Variants in GRIA4 observed in about 807,000 individuals in gnomAD.
The protein encoded by GRIA4 is glutamate ionotropic receptor AMPA type subunit 4.
GRIA4 carries 34 observed loss-of-function variants against 104.0 expected under a neutral mutation model. That is an observed-to-expected ratio of 0.33 (90% CI 0.25 to 0.44). The LOEUF (loss-of-function observed/expected upper bound fraction) is 0.44, where lower values mean the gene tolerates loss of function less well. Ranked by LOEUF, GRIA4 falls within the 20% of genes least tolerant of loss-of-function variation. The pLI is 1.00. For synonymous variants in GRIA4, 386 were observed against 381.9 expected (o/e 1.01, Z -0.13); for missense variants, 750 against 1,096.5 (o/e 0.68, Z 4.46).
At chr11:105,974,471 C>T (rs763985577) in intron 16 of GRIA4, 27 bp downstream of exon 16, 5 of 1,613,818 alleles carry the variant, frequency 3.1e-6, no homozygotes, top group Non-Finnish European at 3.4e-6. Context: ...AGACTTTTAA[C>T]CCAACTTCCT....
intron 5 of GRIA4, among the ~76,000 whole-genome samples, chr11:105,873,138 T>C (rs1945679438): frequency 6.6e-6 from 1 of 152,128 alleles, no homozygotes; most frequent in Non-Finnish European, 1.5e-5. Context: ...TATATTCTCA[T>C]TGTTCAACTC....
chr11:105,741,184 C>G, intron 3 of GRIA4, among the ~76,000 whole-genome samples: 1 of 151,952 alleles, frequency 6.6e-6, no homozygotes, highest in East Asian at 1.9e-4. Flanking sequence ...AGATAAGAAT[C>G]AAGAATATTT....
chr11:105,728,040 T>A (rs1938332226), intron 3 of GRIA4, among the ~76,000 whole-genome samples: 1 of 152,160 alleles, frequency 6.6e-6, no homozygotes, highest in Admixed American at 6.5e-5. Context: ...TAACCTTTAA[T>A]GTAAATGGGC....
intron 3 of GRIA4, among the ~76,000 whole-genome samples, chr11:105,657,432 A>C (rs1204094662): frequency 6.6e-6 from 1 of 152,040 alleles, no homozygotes; most frequent in Admixed American, 6.6e-5. Flanking sequence ...ATATTTTACA[A>C]ATATTTTGAT....
intron 10 of GRIA4, chr11:105,911,796 A>T: frequency 5.1e-6 from 1 of 197,948 alleles, no homozygotes; most frequent in Non-Finnish European, 1.0e-5. Flanking sequence ...ATATATATAT[A>T]TATATATATA....
intron 3 of GRIA4, among the ~76,000 whole-genome samples, chr11:105,661,859 C>T (rs1822987): frequency 0.98 from 149,595 of 151,902 alleles, 73,705 homozygotes; most frequent in Middle Eastern, 1. Context: ...GAACTTTCTA[C>T]ATATTTTTTG....
intron 3 of GRIA4, among the ~76,000 whole-genome samples, chr11:105,642,855 T>A (rs180795233): frequency 5.9e-5 from 9 of 152,328 alleles, no homozygotes; most frequent in Admixed American, 2.6e-4. Context: ...ATTCTGATAC[T>A]GCTAATAAAG....
intron 4 of GRIA4, among the ~76,000 whole-genome samples, chr11:105,756,300 G>GTATACTC: frequency 6.6e-6 from 1 of 152,208 alleles, no homozygotes; most frequent in East Asian, 1.9e-4. Flanking sequence ...CTGTATACCT[G>GTATACTC]TCAAGTGGAT....
At chr11:105,754,257 A>C (rs1372832143) in intron 4 of GRIA4, among the ~76,000 whole-genome samples, 1 of 152,210 alleles carries the variant, frequency 6.6e-6, no homozygotes, top group Non-Finnish European at 1.5e-5. Context: ...ACAGAGAGGA[A>C]GATCAAATAC....
chr11:105,644,097 A>AG (rs1362463240), intron 3 of GRIA4, among the ~76,000 whole-genome samples: 3 of 152,228 alleles, frequency 2.0e-5, no homozygotes, highest in Admixed American at 6.5e-5. Context: ...CAGCATAGAA[A>AG]AATTTTCAAA....
At chr11:105,733,543 G>T (rs946081687) in intron 3 of GRIA4, among the ~76,000 whole-genome samples, 2 of 152,012 alleles carry the variant, frequency 1.3e-5, no homozygotes, top group Non-Finnish European at 2.9e-5. Flanking sequence ...GGCAACCTCT[G>T]CCTCCTAGGT....
chr11:105,742,334 A>T (rs1474832365), intron 3 of GRIA4, among the ~76,000 whole-genome samples: 1 of 152,094 alleles, frequency 6.6e-6, no homozygotes, highest in Non-Finnish European at 1.5e-5. Context: ...GATTTATGAA[A>T]TCTATGAAAT....
At chr11:105,967,229 A>C (rs541776715) in intron 14 of GRIA4, among the ~76,000 whole-genome samples, 2 of 152,254 alleles carry the variant, frequency 1.3e-5, no homozygotes, top group South Asian at 4.1e-4. Flanking sequence ...TTACAGATAA[A>C]ATTTTCCACA....
intron 3 of GRIA4, among the ~76,000 whole-genome samples, chr11:105,712,103 T>C (rs1953932406): frequency 6.6e-6 from 1 of 152,100 alleles, no homozygotes; most frequent in African/African-American, 2.4e-5. Context: ...TATTAATCAT[T>C]ATATAGATAT....
chr11:105,719,694 A>G (rs1413548055), intron 3 of GRIA4, among the ~76,000 whole-genome samples: 6 of 152,024 alleles, frequency 3.9e-5, no homozygotes, highest in Admixed American at 3.9e-4. Flanking sequence ...GGACATAAGT[A>G]CATACTATAA....
rs80024669 is a variant in GRIA4, at chr11:105,766,448, C to A, written c.487+13228C>A. Reference sequence around the variant, plus strand: ...GTCATAATTTTTGTTTTGTTTTCTACTGCCTTATATTTTGTGTTATTGATA... The same window carrying A: ...GTCATAATTTTTGTTTTGTTTTCTAATGCCTTATATTTTGTGTTATTGATA... On this transcript the variant is annotated intron_variant, in intron 4 of 16. Coordinates refer to ENST00000282499, the MANE Select transcript of GRIA4 (RefSeq NM_000829.4). Among the ~76,000 whole-genome samples, 908 of 152,182 alleles carry A rather than the reference C, an allele frequency of 6.0e-3. 16 individuals are homozygous for A. Among genetic ancestry groups the A allele is most frequent in the African/African-American group, 0.02 (822 of 41,540 alleles).
At chr11:105,720,016 C>A (rs1406414540) in intron 3 of GRIA4, among the ~76,000 whole-genome samples, 2 of 151,684 alleles carry the variant, frequency 1.3e-5, no homozygotes, top group Non-Finnish European at 2.9e-5. Context: ...TAATGTATTG[C>A]AAAATGTATT....
intron 6 of GRIA4, among the ~76,000 whole-genome samples, chr11:105,896,619 T>A (rs1371480103): frequency 6.6e-6 from 1 of 152,168 alleles, no homozygotes; most frequent in Non-Finnish European, 1.5e-5. Flanking sequence ...GAGTTCAGTC[T>A]TCTGCATAGG....
At chr11:105,698,839 C>A (rs1376088214) in intron 3 of GRIA4, among the ~76,000 whole-genome samples, 1 of 152,214 alleles carries the variant, frequency 6.6e-6, no homozygotes, top group East Asian at 1.9e-4. Context: ...TTTCACTCTG[C>A]ACATGTCATG....
Sources: allele counts gnomAD v4.1 joint callset (sites outside exome capture counted in the v4.1 genomes callset), GRCh38; gene constraint gnomAD v4.1.1; transcripts MANE v1.5; gene names NCBI Gene and HGNC (gene_info 2026-07-23, HGNC 2026-07-21).